CLYBL: variants seen among roughly 807,000 people sequenced by gnomAD.
The protein encoded by CLYBL is citramalyl-CoA lyase, also known as citramalyl-CoA lyase, mitochondrial.
A neutral mutation model predicts 38.9 loss-of-function variants in CLYBL; 31 were observed. That is an observed-to-expected ratio of 0.80 (90% confidence interval 0.60 to 1.08). The LOEUF (loss-of-function observed/expected upper bound fraction) is 1.08, where lower values mean the gene tolerates loss of function less well. Ranked by LOEUF, CLYBL falls within the 50% of genes least tolerant of loss-of-function variation. The pLI is 0.00. For synonymous variants in CLYBL, 171 were observed against 158.6 expected, an observed-to-expected ratio of 1.08 and a Z score of -0.59; for missense variants, 434 against 411.6, an observed-to-expected ratio of 1.05 and a Z score of -0.47.
chr13:99,721,201 G>A (rs902815814), intron 1 of CLYBL, among the ~76,000 whole-genome samples: 2 of 151,566 alleles, frequency 1.3e-5, no homozygotes, highest in South Asian at 2.1e-4. Flanking sequence ...CCACCACCAC[G>A]CCTGGCTAAT....
intron 1 of CLYBL, among the ~76,000 whole-genome samples, chr13:99,762,259 A>C (rs2138741159): frequency 6.6e-6 from 1 of 152,028 alleles, no homozygotes; most frequent in East Asian, 1.9e-4. Flanking sequence ...GTCCTGGAGC[A>C]TTTCCCCAGT....
chr13:99,697,028 A>G lies in CLYBL; in HGVS notation c.63-75796A>G, dbSNP rs182017142. On this transcript the variant is annotated intron_variant, in intron 1 of 8. Coordinates refer to ENST00000339105, the MANE Select transcript of CLYBL (RefSeq NM_206808.5). ...GCTACTGCTTTTCCAAACCACAGCC[A>G]TTGTCCTGTAATGCCCTTATGCATT... 2.4e-3 allele frequency among the ~76,000 whole-genome samples: 361 copies of G among 152,232 alleles called. 3 individuals carry two copies. Among genetic ancestry groups the G allele is most frequent in the Admixed American group, 3.6e-3 (55 of 15,282 alleles).
At chr13:99,646,510 C>CTTTT (rs140419884) in intron 1 of CLYBL, among the ~76,000 whole-genome samples, 12 of 109,256 alleles carry the variant, frequency 1.1e-4, no homozygotes, top group Non-Finnish European at 1.5e-4. Context: ...TTACAGAAAT[C>CTTTT]TTTTTTTTTT....
At chr13:99,898,424 G>A (rs1566372389), downstream of CLYBL, among the ~76,000 whole-genome samples, 2 of 152,178 alleles carry the variant, frequency 1.3e-5, no homozygotes, top group African/African-American at 2.4e-5. Flanking sequence ...TGAACTTCTG[G>A]CTTCGATTTT....
At chr13:99,792,781 T>C (rs2049944225) in intron 2 of CLYBL, among the ~76,000 whole-genome samples, 1 of 152,136 alleles carries the variant, frequency 6.6e-6, no homozygotes, top group East Asian at 1.9e-4. Context: ...CTGCAAGGCC[T>C]CCTGTAGTCA....
chr13:99,852,035 A>G (rs1191986903), intron 2 of CLYBL, among the ~76,000 whole-genome samples: 1 of 152,238 alleles, frequency 6.6e-6, no homozygotes, highest in Non-Finnish European at 1.5e-5. Context: ...GATAGGTGCT[A>G]CAACATGAAT....
chr13:99,660,112 T>A lies in CLYBL; in HGVS notation c.62+53355T>A, dbSNP rs189944041. 1.6e-3 allele frequency among the ~76,000 whole-genome samples: 237 copies of A among 152,248 alleles called. 2 individuals carry two copies. The highest frequency in any genetic ancestry group is 5.4e-3 in the African/African-American group (226 of 41,542). ...GGAGCTAGGTGCGAATGGAATAAAT[T>A]GAGGCACTCCAGCGACACATCCAGC... is the stretch of plus-strand genomic sequence containing the variant. On this transcript the variant is annotated intron_variant, in intron 1 of 8. Transcript: ENST00000339105.
In CLYBL at chr13:99,721,233, C is replaced by T. The variant is rs370946812; in HGVS notation, c.63-51591C>T. The stretch of plus-strand genomic sequence containing the variant: ...TAATTTTCTGTATTTTTAGTAGAGA[C>T]GGGGTTTCACCATGTTGGCTAGGCT... On this transcript the variant is annotated intron_variant, in intron 1 of 8. Transcript: ENST00000339105. 3.8e-4 allele frequency among the ~76,000 whole-genome samples: 57 copies of T among 151,702 alleles called. No individual in the cohort carries two copies. The East Asian group carries it at 6.4e-3, about 17-fold the overall frequency.
intron 1 of CLYBL, among the ~76,000 whole-genome samples, chr13:99,725,896 A>G (rs2048464359): frequency 6.6e-6 from 1 of 152,188 alleles, no homozygotes; most frequent in Non-Finnish European, 1.5e-5. Context: ...CAGCTACTGC[A>G]CATGCGCACG....
At chr13:99,794,946 G>A (rs9582345) in intron 2 of CLYBL, among the ~76,000 whole-genome samples, 108,364 of 151,984 alleles carry the variant, frequency 0.71, 39,354 homozygotes, top group Middle Eastern at 0.82. Flanking sequence ...TCATAATTTA[G>A]TATTCTGATT....
chr13:99,855,849 T>C (rs956704130), intron 2 of CLYBL, among the ~76,000 whole-genome samples: 7 of 152,120 alleles, frequency 4.6e-5, no homozygotes, highest in Admixed American at 2.6e-4. Flanking sequence ...TTGAGTGTTT[T>C]GGGATATATA....
At chr13:99,608,703 C>G (rs932558931) in intron 1 of CLYBL, among the ~76,000 whole-genome samples, 4 of 152,146 alleles carry the variant, frequency 2.6e-5, no homozygotes, top group African/African-American at 9.7e-5. Context: ...CTCGACATGT[C>G]TACCCGCTGA....
At chr13:99,744,036 G>GAT (rs991363126) in intron 1 of CLYBL, among the ~76,000 whole-genome samples, 3 of 139,170 alleles carry the variant, frequency 2.2e-5, no homozygotes, top group African/African-American at 8.1e-5. Flanking sequence ...GCGGTGGCGC[G>GAT]ATATCAGCTC....
At chr13:99,829,655 A>T (rs1446008020) in intron 2 of CLYBL, among the ~76,000 whole-genome samples, 2 of 152,190 alleles carry the variant, frequency 1.3e-5, no homozygotes, top group South Asian at 2.1e-4. Flanking sequence ...AAATGATGAC[A>T]TTGGACACTT....
intron 1 of CLYBL, among the ~76,000 whole-genome samples, chr13:99,757,448 T>C (rs1161277858): frequency 1.3e-5 from 2 of 152,090 alleles, no homozygotes; most frequent in East Asian, 3.9e-4. Context: ...CACTTTTATT[T>C]TATTTTTATT....
downstream of CLYBL, among the ~76,000 whole-genome samples, chr13:99,897,296 G>A (rs1231534605): frequency 6.6e-6 from 1 of 152,158 alleles, no homozygotes; most frequent in Admixed American, 6.5e-5. Context: ...CCTTTCAAAC[G>A]TGCAGAGAGA....
Position 99,877,429 on chromosome 13 carries a change from A to G in CLYBL, c.927+6367A>G, listed in dbSNP as rs566955917. Among the ~76,000 whole-genome samples the G allele has an allele frequency of 6.1e-4, 93 of 151,432 alleles. 1 individual carries two copies. Among genetic ancestry groups the G allele is most frequent in the Non-Finnish European group, 4.3e-4 (29 of 67,858 alleles). On this transcript the variant is annotated intron_variant, in intron 7 of 8. Coordinates refer to ENST00000339105, the MANE Select transcript of CLYBL (RefSeq NM_206808.5). ...TTCTCCATTTCCTCTTTTTCTTTAC[A>G]TCTTTTTCTTTCTCACTACATCATC...
At chr13:99,907,943 C>T (rs1287851353) in intron 9 of CLYBL, among the ~76,000 whole-genome samples, 2 of 152,220 alleles carry the variant, frequency 1.3e-5, no homozygotes, top group Non-Finnish European at 2.9e-5. Flanking sequence ...CTCCTGACTG[C>T]ACCCCATGGG....
At chr13:99,634,952 G>T (rs561966248) in intron 1 of CLYBL, among the ~76,000 whole-genome samples, 1 of 152,042 alleles carries the variant, frequency 6.6e-6, no homozygotes. Context: ...GCTCATTCCC[G>T]GAGCGGCAGC....
Sources: allele counts gnomAD v4.1 joint callset (sites outside exome capture counted in the v4.1 genomes callset), GRCh38; gene constraint gnomAD v4.1.1; transcripts MANE v1.5; gene names NCBI Gene and HGNC (gene_info 2026-07-23, HGNC 2026-07-21).